Variants in COL25A1 observed in about 807,000 individuals in gnomAD.
The protein encoded by COL25A1 is collagen type XXV alpha 1 chain, also known as collagen alpha-1(XXV) chain.
COL25A1 carries 103 observed loss-of-function variants against 128.4 expected under a neutral mutation model. The observed-to-expected ratio is 0.80, with a 90% CI of 0.68 to 0.94. The LOEUF (loss-of-function observed/expected upper bound fraction) is 0.94, where lower values mean the gene tolerates loss of function less well. Ranked by LOEUF, COL25A1 falls within the 40% of genes least tolerant of loss-of-function variation. The pLI is 0.00. For synonymous variants in COL25A1, 279 were observed against 277.2 expected, an observed-to-expected ratio of 1.01 and a Z score of -0.06; for missense variants, 745 against 840.0, an observed-to-expected ratio of 0.89 and a Z score of 1.40.
chr4:108,863,542 T>C (rs1027612434), intron 20 of COL25A1, among the ~76,000 whole-genome samples, 155 bp from the exon 21 acceptor site: 1 of 152,226 alleles, frequency 6.6e-6, no homozygotes, highest in African/African-American at 2.4e-5. Flanking sequence ...ACATGAATTA[T>C]CTCATTTTAT....
At chr4:109,039,310 G>T (rs1326583434) in intron 5 of COL25A1, among the ~76,000 whole-genome samples, 2 of 152,088 alleles carry the variant, frequency 1.3e-5, no homozygotes, top group Non-Finnish European at 2.9e-5. Context: ...GGCATGCAAA[G>T]TACTCCATAG....
At chr4:108,954,208 C>T (rs567511659) in intron 8 of COL25A1, among the ~76,000 whole-genome samples, 4 of 151,908 alleles carry the variant, frequency 2.6e-5, no homozygotes, top group Non-Finnish European at 4.4e-5. Flanking sequence ...ATGTCAAAAC[C>T]GAATTTCCTG....
intron 3 of COL25A1, among the ~76,000 whole-genome samples, chr4:109,163,123 T>C (rs1191853653): frequency 6.6e-6 from 1 of 152,170 alleles, no homozygotes; most frequent in Admixed American, 6.5e-5. Flanking sequence ...TCTGCTTCCC[T>C]AGGTTTGTAC....
At chr4:108,864,075 A>G (rs1737591007) in intron 20 of COL25A1, among the ~76,000 whole-genome samples, 1 of 152,094 alleles carries the variant, frequency 6.6e-6, no homozygotes, top group South Asian at 2.1e-4. Context: ...ATCTCCCTAT[A>G]TATATCCTAT....
intron 3 of COL25A1, among the ~76,000 whole-genome samples, chr4:109,198,112 T>C (rs1776269113): frequency 6.6e-6 from 1 of 152,212 alleles, no homozygotes; most frequent in Admixed American, 6.5e-5. Context: ...TTTTTCATTA[T>C]ATCTTACCCC....
intron 6 of COL25A1, 51 bp downstream of exon 6, chr4:109,010,307 A>G: frequency 6.9e-7 from 1 of 1,458,808 alleles, no homozygotes; most frequent in Non-Finnish European, 9.4e-7. Flanking sequence ...AGACCTCCAC[A>G]CTGGGAAAAT....
intron 3 of COL25A1, among the ~76,000 whole-genome samples, chr4:109,093,342 G>A (rs564155754): frequency 6.6e-6 from 1 of 151,938 alleles, no homozygotes; most frequent in African/African-American, 2.4e-5. Context: ...CATACAGGCT[G>A]GGTGCAGTGG....
chr4:109,001,412 G>GTCAGGTAGGCAGCTGAGATCCTA, intron 6 of COL25A1, among the ~76,000 whole-genome samples: 1 of 147,022 alleles, frequency 6.8e-6, no homozygotes, highest in Non-Finnish European at 1.5e-5. Flanking sequence ...CTGAGATCCT[G>GTCAGGTAGGCAGCTGAGATCCTA]TCAGGTAGGC....
chr4:109,009,770 A>G (rs1648020), intron 6 of COL25A1, among the ~76,000 whole-genome samples: 77,722 of 152,042 alleles, frequency 0.51, 22,612 homozygotes, highest in African/African-American at 0.78. Flanking sequence ...CATTTCTGAA[A>G]ACTCACGTAT....
intron 3 of COL25A1, among the ~76,000 whole-genome samples, chr4:109,182,494 C>T (rs1447561816): frequency 2.0e-5 from 3 of 152,052 alleles, no homozygotes; most frequent in Non-Finnish European, 4.4e-5. Context: ...AGATATCCTT[C>T]ATTTAAAAAT....
intron 31 of COL25A1, among the ~76,000 whole-genome samples, chr4:108,839,697 T>C (rs774403415): frequency 2.0e-5 from 3 of 152,214 alleles, no homozygotes; most frequent in Non-Finnish European, 2.9e-5. Context: ...AAGTTTATCA[T>C]CTATGAAATC....
intron 3 of COL25A1, among the ~76,000 whole-genome samples, chr4:109,158,526 A>G (rs961426664): frequency 6.6e-6 from 1 of 152,232 alleles, no homozygotes; most frequent in Non-Finnish European, 1.5e-5. Flanking sequence ...TGAAAAAACT[A>G]TGAAGTATCT....
chr4:108,911,110 A>T (rs1744164930), intron 13 of COL25A1, among the ~76,000 whole-genome samples: 1 of 152,192 alleles, frequency 6.6e-6, no homozygotes, highest in African/African-American at 2.4e-5. Context: ...ATACAAAAAC[A>T]GGGTGTGTGG....
rs1294184809 is a variant in COL25A1, at chr4:108,898,855, C to A, written c.861+299G>T. On this transcript the variant is annotated intron_variant, in intron 15 of 37. Coordinates refer to ENST00000399132, the MANE Select transcript of COL25A1 (RefSeq NM_198721.4). ...TTATTAAATATTTGTTCTGAAGGTA[C>A]ATCGGCACCTTTCTCTTTATTTTTT... 3.9e-5 allele frequency among the ~76,000 whole-genome samples: 6 copies of A among 152,248 alleles called. No homozygotes were observed. In the South Asian group the frequency reaches 1.2e-3, roughly 32 times the overall value.
chr4:109,217,098 T>C (rs1778055688), intron 3 of COL25A1, among the ~76,000 whole-genome samples: 1 of 151,112 alleles, frequency 6.6e-6, no homozygotes, highest in African/African-American at 2.4e-5. Flanking sequence ...GCCTAACAAA[T>C]ACTATCTTTG....
chr4:109,233,125 C>T (rs1779259991), intron 3 of COL25A1, among the ~76,000 whole-genome samples: 1 of 152,010 alleles, frequency 6.6e-6, no homozygotes, highest in Non-Finnish European at 1.5e-5. Flanking sequence ...TATTTAAGGA[C>T]CTGGGGTTGT....
intron 14 of COL25A1, among the ~76,000 whole-genome samples, chr4:108,900,412 G>T (rs1365667564): frequency 6.6e-6 from 1 of 152,150 alleles, no homozygotes; most frequent in Non-Finnish European, 1.5e-5. Context: ...GCATCTGTGG[G>T]TACGAATACA....
intron 6 of COL25A1, among the ~76,000 whole-genome samples, chr4:109,002,717 TCA>T (rs778871481): frequency 2.0e-5 from 3 of 152,196 alleles, no homozygotes; most frequent in Non-Finnish European, 4.4e-5. Context: ...TTGAGTATAT[TCA>T]GTCTTTATTT....
At chr4:109,111,147 A>G (rs1766967517) in intron 3 of COL25A1, among the ~76,000 whole-genome samples, 1 of 152,100 alleles carries the variant, frequency 6.6e-6, no homozygotes, top group African/African-American at 2.4e-5. Flanking sequence ...AATTGTGTTT[A>G]TTTGATGTAC....
Sources: allele counts gnomAD v4.1 joint callset (sites outside exome capture counted in the v4.1 genomes callset), GRCh38; gene constraint gnomAD v4.1.1; transcripts MANE v1.5; gene names NCBI Gene and HGNC (gene_info 2026-07-23, HGNC 2026-07-21).